RFFL: variants seen among roughly 807,000 people sequenced by gnomAD.
RFFL encodes the protein ring finger and FYVE like domain containing E3 ubiquitin protein ligase.
Under a neutral mutation model 40.4 loss-of-function variants are expected in RFFL, and 16 were observed. That is an observed-to-expected ratio of 0.40 (90% confidence interval 0.27 to 0.60). The LOEUF (loss-of-function observed/expected upper bound fraction) is 0.60. Ranked by LOEUF, RFFL falls within the 20% of genes least tolerant of loss-of-function variation. The probability of loss-of-function intolerance (pLI) is 0.47; values close to 1 mark genes in which losing one functional copy is unlikely to be tolerated. For synonymous variants in RFFL, 154 were observed against 167.9 expected, an observed-to-expected ratio of 0.92 and a Z score of 0.64; for missense variants, 367 against 451.7, an observed-to-expected ratio of 0.81 and a Z score of 1.70.
intron 2 of RFFL, among the ~76,000 whole-genome samples, chr17:35,022,984 C>T (rs945677185): frequency 1.3e-5 from 2 of 152,192 alleles, no homozygotes; most frequent in African/African-American, 4.8e-5. Flanking sequence ...AAGCAATCCT[C>T]GGCCTCTCAC....
Position 35,032,147 on chromosome 17 carries a change from G to C in RFFL, c.-8-5586C>G, listed in dbSNP as rs559344824. 5.9e-5 allele frequency among the ~76,000 whole-genome samples: 9 copies of C among 151,972 alleles called. No individual in the cohort carries two copies. In the South Asian group the frequency reaches 1.7e-3, roughly 28 times the overall value. On this transcript the variant is annotated intron_variant, in intron 1 of 6. Transcript: ENST00000394597. ...CTACAAAATGCTTGGTTGGGTCAGG[G>C]AGCAAGGCAGGGAGTAGATGAGGGT...
intron 1 of RFFL, among the ~76,000 whole-genome samples, chr17:35,083,459 T>A (rs540245776): frequency 2.6e-5 from 4 of 152,228 alleles, no homozygotes; most frequent in Admixed American, 2.6e-4. Context: ...GGAATTTCAA[T>A]GTGCATAATT....
chr17:35,063,610 G>A lies in RFFL; in HGVS notation c.-43C>T, dbSNP rs2091306435. The A allele has an allele frequency of 6.6e-6, 1 of 151,990 alleles. No individual in the cohort carries two copies. The highest frequency in any genetic ancestry group is 2.4e-5 in the African/African-American group (1 of 41,348). The allele number at this position is 151,990 out of a possible 1,614,324, so 9.4% of individuals were successfully genotyped here. On this transcript the variant is annotated 5_prime_UTR_variant, in exon 1 of 7. Coordinates refer to ENST00000394597, the MANE Select transcript of RFFL (RefSeq NM_001017368.2). ...CCAGTTTCAAAACATTGCCACGACAGAAAGCAAGCTGTCTCTAGTTCCTGT... is the reference window on the plus strand; with the variant it reads ...CCAGTTTCAAAACATTGCCACGACAAAAAGCAAGCTGTCTCTAGTTCCTGT...
intron 1 of RFFL, among the ~76,000 whole-genome samples, chr17:35,056,904 CTT>C (rs869118839): frequency 1.4e-5 from 2 of 146,384 alleles, no homozygotes; most frequent in African/African-American, 5.0e-5. Flanking sequence ...TCCCACCACC[CTT>C]TTTTTTTTTC....
intron 1 of RFFL, among the ~76,000 whole-genome samples, chr17:35,029,689 T>C (rs2091069270): frequency 6.6e-6 from 1 of 151,572 alleles, no homozygotes; most frequent in Admixed American, 6.6e-5. Context: ...GGCTAATTTT[T>C]TATTTTTTTT....
intron 1 of RFFL, among the ~76,000 whole-genome samples, chr17:35,040,567 C>T (rs1339997648): frequency 1.3e-5 from 2 of 149,956 alleles, no homozygotes; most frequent in African/African-American, 2.5e-5. Context: ...CATGCCACTG[C>T]ACTCCAACCT....
chr17:35,084,045 C>T (rs1384207578), intron 1 of RFFL, among the ~76,000 whole-genome samples: 1 of 152,096 alleles, frequency 6.6e-6, no homozygotes, highest in Non-Finnish European at 1.5e-5. Context: ...TTGAGACCAT[C>T]CTGGCCAACA....
rs1478722637 is a variant in RFFL at position 35,006,407 on chromosome 17, C to T, written c.*5561G>A. ...GACTCCTGAAACTTAATGGCTCTAACCTTAGGCAAGTTACGTTAACATCTA... is the reference window on the plus strand; with the variant it reads ...GACTCCTGAAACTTAATGGCTCTAATCTTAGGCAAGTTACGTTAACATCTA... On this transcript the variant is annotated 3_prime_UTR_variant, in exon 7 of 7. Coordinates refer to ENST00000394597, the MANE Select transcript of RFFL (RefSeq NM_001017368.2). 1 of 152,332 alleles carries T rather than the reference C, an allele frequency of 6.6e-6. No individual in the cohort carries two copies. The highest frequency in any genetic ancestry group is 1.5e-5 in the Non-Finnish European group (1 of 68,170). The allele number at this position is 152,332 out of a possible 1,614,324, so 9.4% of individuals were successfully genotyped here. A position where few individuals can be genotyped will look rare whatever the true frequency, so the allele number is the denominator to read the frequency against.
intron 1 of RFFL, among the ~76,000 whole-genome samples, chr17:35,070,155 T>G (rs2091340408): frequency 6.6e-6 from 1 of 152,118 alleles, no homozygotes; most frequent in East Asian, 1.9e-4. Context: ...ACTTCTACTT[T>G]ATGCTATTTT....
At chr17:35,022,769 G>T (rs960257754) in intron 2 of RFFL, among the ~76,000 whole-genome samples, 2 of 152,200 alleles carry the variant, frequency 1.3e-5, no homozygotes, top group African/African-American at 4.8e-5. Context: ...AGAGTGCTGG[G>T]AACCCAGTGG....
At chr17:35,088,006 A>G (rs1392833919) in intron 1 of RFFL, among the ~76,000 whole-genome samples, 2 of 152,184 alleles carry the variant, frequency 1.3e-5, no homozygotes, top group African/African-American at 4.8e-5. Flanking sequence ...GAATGGTATA[A>G]TAAACGGGCA....
chr17:35,054,814 T>C (rs2091250792), intron 1 of RFFL, among the ~76,000 whole-genome samples: 1 of 152,146 alleles, frequency 6.6e-6, no homozygotes, highest in Admixed American at 6.5e-5. Flanking sequence ...GCGTCATTTT[T>C]CTCATCTGTA....
intron 1 of RFFL, among the ~76,000 whole-genome samples, chr17:35,050,078 T>C (rs1190658127): frequency 7.5e-6 from 1 of 132,770 alleles, no homozygotes; most frequent in Admixed American, 7.1e-5. Context: ...TAAGACTCCA[T>C]CTCAAAAAAA....
intron 1 of RFFL, among the ~76,000 whole-genome samples, chr17:35,063,321 G>A (rs1019203199): frequency 6.6e-6 from 1 of 151,824 alleles, no homozygotes; most frequent in East Asian, 1.9e-4. Flanking sequence ...CGGGCATGGT[G>A]GCGCACATCT....
chr17:35,048,394 T>TC (rs2091212957), intron 1 of RFFL, among the ~76,000 whole-genome samples: 1 of 151,794 alleles, frequency 6.6e-6, no homozygotes, highest in Non-Finnish European at 1.5e-5. Context: ...AGAGCGAGAC[T>TC]CCATCTCAAA....
chr17:35,012,758 C>A (rs1490494261), intron 6 of RFFL, among the ~76,000 whole-genome samples: 2 of 152,180 alleles, frequency 1.3e-5, no homozygotes, highest in African/African-American at 2.4e-5. Flanking sequence ...CCTCTTTCTA[C>A]CCCCACAAAA....
At chr17:35,087,167 A>G (rs2091434902) in intron 1 of RFFL, among the ~76,000 whole-genome samples, 1 of 152,118 alleles carries the variant, frequency 6.6e-6, no homozygotes, top group African/African-American at 2.4e-5. Context: ...GACGAACAAC[A>G]TGGCAAAACC....
At chr17:35,088,800 T>G (rs1194322302) in intron 1 of RFFL, 1 of 152,310 alleles carries the variant, frequency 6.6e-6, no homozygotes, top group Non-Finnish European at 1.5e-5. Context: ...CAACTAGACC[T>G]GCCGGTCTGC....
At chr17:35,050,997 A>G (rs958096448) in intron 1 of RFFL, among the ~76,000 whole-genome samples, 1 of 152,204 alleles carries the variant, frequency 6.6e-6, no homozygotes, top group African/African-American at 2.4e-5. Context: ...AATAAAAAAT[A>G]AAAGGATTGT....
Sources: gnomAD v4.1 joint callset for allele counts (sites outside exome capture counted in the v4.1 genomes callset) on GRCh38, gnomAD v4.1.1 for gene constraint, MANE v1.5 for transcripts, NCBI Gene and HGNC (gene_info 2026-07-23, HGNC 2026-07-21) for gene names.